PLCB4: variants seen among roughly 807,000 people sequenced by gnomAD.
The protein encoded by PLCB4 is phospholipase C beta 4.
PLCB4 carries 77 observed loss-of-function variants against 178.8 expected under a neutral mutation model. The ratio of observed to expected loss-of-function variants is 0.43; its 90% confidence interval spans 0.36 to 0.52. The LOEUF is 0.52. PLCB4 is among the 20% of genes least tolerant of loss of function. The pLI, the probability that PLCB4 is intolerant of heterozygous loss-of-function variation, is 0.00. For synonymous variants in PLCB4, 496 were observed against 490.8 expected (o/e 1.01, Z -0.14); for missense variants, 1,024 against 1,453.4 (o/e 0.70, Z 4.80).
At chr20:9,216,423 T>A (rs533307389) in intron 2 of PLCB4, among the ~76,000 whole-genome samples, 1 of 152,258 alleles carries the variant, frequency 6.6e-6, no homozygotes, top group Admixed American at 6.5e-5. Flanking sequence ...TTCACCATGT[T>A]AGCCAGGATG....
At chr20:9,169,340 C>T (rs566370951) in intron 2 of PLCB4, among the ~76,000 whole-genome samples, 18 of 151,578 alleles carry the variant, frequency 1.2e-4, no homozygotes, top group Non-Finnish European at 2.1e-4. Flanking sequence ...GTAATTCCAG[C>T]ACTCTGGGAG....
chr20:9,367,616 T>C (rs2035892448), intron 9 of PLCB4, among the ~76,000 whole-genome samples: 1 of 152,240 alleles, frequency 6.6e-6, no homozygotes, highest in South Asian at 2.1e-4. Context: ...GGATGTGTTT[T>C]TACATGCCTT....
In PLCB4 at chr20:9,075,408, C is replaced by G. The variant is rs1600229511; in HGVS notation, c.-135+6202C>G. 5.3e-5 allele frequency among the ~76,000 whole-genome samples: 8 copies of G among 152,316 alleles called. 1 individual carries two copies. ...TAAAACAATGCATTCTTATCTAATC[C>G]TAGGTACTTCTGTTTCTGCAGTTGC... is the stretch of plus-strand genomic sequence containing the variant. On this transcript the variant is annotated intron_variant, in intron 1 of 39. Coordinates refer to ENST00000378473, the MANE Select transcript of PLCB4 (RefSeq NM_001377142.1).
rs185087608 is a variant in PLCB4 at position 9,401,945 on chromosome 20, G to C, written c.1611+355G>C. 2.9e-3 allele frequency among the ~76,000 whole-genome samples: 441 copies of C among 152,216 alleles called. 5 individuals are homozygous for C. Among genetic ancestry groups the C allele is most frequent in the South Asian group, 3.3e-3 (16 of 4,814 alleles). On this transcript the variant is annotated intron_variant, in intron 20 of 39. Transcript: ENST00000378473. ...GGAAAATGACCCCTGAACATCCCGA[G>C]TCTAGCCCTCATTTGAGAACTAGTC...
At chr20:9,103,412 A>G (rs1049319283) in intron 2 of PLCB4, among the ~76,000 whole-genome samples, 95 of 152,294 alleles carry the variant, frequency 6.2e-4, no homozygotes, top group African/African-American at 2.3e-3. Flanking sequence ...TTTCCAAACA[A>G]TATATGTTTG....
At chr20:9,325,856 G>A (rs572235515) in intron 4 of PLCB4, among the ~76,000 whole-genome samples, 2 of 152,250 alleles carry the variant, frequency 1.3e-5, no homozygotes, top group African/African-American at 4.8e-5. Flanking sequence ...CTTTCAGGCT[G>A]CTATAACAAA....
At chr20:9,458,208 G>A (rs933822589) in intron 34 of PLCB4, among the ~76,000 whole-genome samples, 2 of 152,158 alleles carry the variant, frequency 1.3e-5, no homozygotes, top group African/African-American at 4.8e-5. Context: ...TGGCCTAATG[G>A]CCCTGCTGCA....
At chr20:9,293,286 GGAAA>G (rs1258076210) in intron 3 of PLCB4, among the ~76,000 whole-genome samples, 3 of 146,252 alleles carry the variant, frequency 2.1e-5, no homozygotes, top group Non-Finnish European at 3.0e-5. Flanking sequence ...GGGAAGGAAG[GGAAA>G]GAAAGAAGTC....
At chr20:9,375,555 T>C (rs1487681223) in intron 12 of PLCB4, among the ~76,000 whole-genome samples, 2 of 152,282 alleles carry the variant, frequency 1.3e-5, no homozygotes, top group African/African-American at 2.4e-5. Context: ...AAAGAGCAAG[T>C]ACTACCCCAC....
intron 20 of PLCB4, among the ~76,000 whole-genome samples, chr20:9,403,231 T>C (rs963818164): frequency 3.9e-5 from 6 of 152,166 alleles, no homozygotes; most frequent in Admixed American, 2.0e-4. Context: ...GAGCTAGAGA[T>C]ACAAGTTGGG....
intron 28 of PLCB4, among the ~76,000 whole-genome samples, chr20:9,430,732 A>C (rs960578957): frequency 2.0e-5 from 3 of 152,188 alleles, no homozygotes; most frequent in Non-Finnish European, 4.4e-5. Flanking sequence ...CAAACAAGAC[A>C]ATATGTGGAT....
intron 25 of PLCB4, 62 bp from the exon 26 acceptor site, chr20:9,419,745 C>T: frequency 2.0e-6 from 2 of 999,088 alleles, no homozygotes; most frequent in Admixed American, 1.7e-5. Flanking sequence ...ATTGTTTCAA[C>T]TAGCGAGTGT....
At chr20:9,129,156 T>G (rs6108262) in intron 2 of PLCB4, among the ~76,000 whole-genome samples, 29,938 of 152,076 alleles carry the variant, frequency 0.2, 3,924 homozygotes, top group East Asian at 0.55. Context: ...TCTCTTCACA[T>G]CCCTGCTTTG....
intron 2 of PLCB4, among the ~76,000 whole-genome samples, chr20:9,191,161 A>C (rs980757594): frequency 6.6e-6 from 1 of 152,134 alleles, no homozygotes; most frequent in African/African-American, 2.4e-5. Context: ...AGTATTTTGC[A>C]TACAGTAGTA....
At chr20:9,411,676 C>T (rs1050116152) in intron 25 of PLCB4, among the ~76,000 whole-genome samples, 7 of 151,334 alleles carry the variant, frequency 4.6e-5, no homozygotes, top group Admixed American at 3.9e-4. Flanking sequence ...TCTACAGAAA[C>T]ACTGAAAGGT....
At chr20:9,343,382 T>C (rs1011953206) in intron 7 of PLCB4, among the ~76,000 whole-genome samples, 2 of 152,240 alleles carry the variant, frequency 1.3e-5, no homozygotes, top group Non-Finnish European at 1.5e-5. Context: ...CCCTTCTGTA[T>C]TCTTCTACTT....
chr20:9,319,623 C>G (rs1178279234), intron 4 of PLCB4, among the ~76,000 whole-genome samples: 2 of 152,078 alleles, frequency 1.3e-5, no homozygotes, highest in Non-Finnish European at 2.9e-5. Flanking sequence ...TCCAAAGGCC[C>G]CAGAACCAGG....
intron 30 of PLCB4, among the ~76,000 whole-genome samples, chr20:9,438,380 A>AG (rs2041911073): frequency 6.7e-6 from 1 of 149,598 alleles, no homozygotes; most frequent in African/African-American, 2.5e-5. Flanking sequence ...AAAAAAAAAA[A>AG]AAAGAAAGAA....
chr20:9,449,491 GGTCAGTCGT>G (rs2042619911), intron 32 of PLCB4, among the ~76,000 whole-genome samples: 1 of 152,144 alleles, frequency 6.6e-6, no homozygotes, highest in Non-Finnish European at 1.5e-5. Context: ...AGAGTAGATG[GGTCAGTCGT>G]GTCCTCTTAA....
Sources: allele counts gnomAD v4.1 joint callset (sites outside exome capture counted in the v4.1 genomes callset), GRCh38; gene constraint gnomAD v4.1.1; transcripts MANE v1.5; gene names NCBI Gene and HGNC (gene_info 2026-07-23, HGNC 2026-07-21).